Variants in SEC63 observed in about 807,000 individuals in gnomAD.
The protein encoded by SEC63 is SEC63 protein translocation regulator.
SEC63 carries 56 observed loss-of-function variants against 116.2 expected under a neutral mutation model. The observed-to-expected ratio is 0.48, with a 90% CI of 0.39 to 0.60. The LOEUF (loss-of-function observed/expected upper bound fraction) is 0.60, where lower values mean the gene tolerates loss of function less well. Among genes scored for constraint, SEC63 ranks in the 20% least tolerant of loss-of-function variants. The pLI, the probability that SEC63 is intolerant of heterozygous loss-of-function variation, is 0.00. For synonymous variants in SEC63, 273 were observed against 294.6 expected (o/e 0.93, Z 0.75); for missense variants, 668 against 900.0 (o/e 0.74, Z 3.30).
chr6:107,904,103 G>C (rs1304360782), intron 11 of SEC63, among the ~76,000 whole-genome samples: 2 of 126,172 alleles, frequency 1.6e-5, no homozygotes, highest in African/African-American at 3.1e-5. Flanking sequence ...AGGCGACAGA[G>C]TGAGACTCTG....
chr6:107,912,704 A>T lies in SEC63; in HGVS notation c.573+12T>A. 6.4e-7 allele frequency: 1 copy of T among 1,563,038 alleles called. No individual in the cohort carries two copies. The highest frequency in any genetic ancestry group is 8.8e-7 in the Non-Finnish European group (1 of 1,134,218). The stretch of plus-strand genomic sequence containing the variant: ...TAATACATCATAATGTATCTTATTT[A>T]AATGCACTCACCAGAATTGAGTTTT... On this transcript the variant is annotated intron_variant, in intron 6 of 20. Transcript: ENST00000369002.
chr6:107,911,534 T>C, intron 6 of SEC63, 138 bp from the exon 7 acceptor site: 1 of 695,066 alleles, frequency 1.4e-6, no homozygotes, highest in African/African-American at 1.8e-5. Context: ...ATCCTTATTC[T>C]CAAACTCCAA....
At chr6:107,897,862 T>A in intron 13 of SEC63, 131 bp from the exon 14 acceptor site, 7 of 691,230 alleles carry the variant, frequency 1.0e-5, no homozygotes, top group Non-Finnish European at 1.8e-5. Context: ...TTTAAATTTG[T>A]TAAAAAAATA....
intron 4 of SEC63, among the ~76,000 whole-genome samples, chr6:107,920,832 C>T (rs1371273035): frequency 6.6e-6 from 1 of 152,148 alleles, no homozygotes; most frequent in Non-Finnish European, 1.5e-5. Context: ...CAAAAGGGTG[C>T]ACAAATGTTC....
chr6:107,950,385 G>C (rs1387543822), intron 1 of SEC63, among the ~76,000 whole-genome samples: 1 of 152,146 alleles, frequency 6.6e-6, no homozygotes, highest in East Asian at 1.9e-4. Context: ...CCAAAAAGAA[G>C]ATAAGGAAAT....
chr6:107,956,460 T>G (rs1770714524), intron 1 of SEC63, among the ~76,000 whole-genome samples: 2 of 152,182 alleles, frequency 1.3e-5, no homozygotes, highest in Non-Finnish European at 2.9e-5. Flanking sequence ...TACCCAATTT[T>G]TTTTCCTTTT....
At chr6:107,913,133 G>A (rs1430490525) in intron 5 of SEC63, among the ~76,000 whole-genome samples, 1 of 152,014 alleles carries the variant, frequency 6.6e-6, no homozygotes, top group Admixed American at 6.6e-5. Context: ...TTATCAACTA[G>A]TAATTGGAAA....
chr6:107,906,486 T>C lies in SEC63; in HGVS notation c.923A>G (p.His308Arg), dbSNP rs1366550155. ...CTCAGGAATTTTCATTCTAGCAAGA[T>C]GAGACAGTAAAAGAACTCTGGCCTT... Reference protein sequence around the residue: ...SLKARVLLLSHLARMKIPETL... With the variant: ...SLKARVLLLSRLARMKIPETL... The change falls in exon 10 of 21, where the codon CAT (histidine) becomes CGT (arginine). Residue 308 changes from histidine (H) to arginine (R), a missense_variant. Coordinates refer to ENST00000369002, the MANE Select transcript of SEC63 (RefSeq NM_007214.5). 5 of 1,614,094 alleles carry C rather than the reference T, an allele frequency of 3.1e-6. No individual in the cohort carries two copies. Among genetic ancestry groups the C allele is most frequent in the Non-Finnish European group, 4.2e-6 (5 of 1,179,970 alleles).
intron 7 of SEC63, among the ~76,000 whole-genome samples, chr6:107,909,813 CAACTT>C (rs1459345199): frequency 6.6e-6 from 1 of 152,088 alleles, no homozygotes; most frequent in Non-Finnish European, 1.5e-5. Flanking sequence ...GCAAAACAAA[CAACTT>C]AATTATTAGA....
chr6:107,892,967 A>G (rs767766358), intron 16 of SEC63, among the ~76,000 whole-genome samples: 3 of 152,194 alleles, frequency 2.0e-5, no homozygotes, highest in Non-Finnish European at 4.4e-5. Flanking sequence ...TGCTAGGTGG[A>G]AAATGACTGC....
rs550448445 is a variant in SEC63 at position 107,896,108 on chromosome 6, G to A, written c.1440+1541C>T. On this transcript the variant is annotated intron_variant, in intron 14 of 20. Transcript: ENST00000369002. ...TTGAGCCTAGGAGGCGGACGTTGCA[G>A]TGAGCCGAGACTGCACCACTGCACT... Among the ~76,000 whole-genome samples the A allele has an allele frequency of 1.1e-3, 174 of 152,248 alleles. 2 individuals carry two copies. Among genetic ancestry groups the A allele is most frequent in the African/African-American group, 4.0e-3 (168 of 41,552 alleles).
chr6:107,933,920 G>A (rs533836861), intron 1 of SEC63, among the ~76,000 whole-genome samples: 13 of 152,294 alleles, frequency 8.5e-5, no homozygotes, highest in African/African-American at 2.4e-4. Flanking sequence ...ACGGGGTTTC[G>A]CTGTGTTGGC....
At chr6:107,886,682 T>G (rs988115582) in intron 16 of SEC63, among the ~76,000 whole-genome samples, 6 of 129,448 alleles carry the variant, frequency 4.6e-5, no homozygotes, top group Non-Finnish European at 8.1e-5. Flanking sequence ...TTCATATACT[T>G]TGCCCACTTT....
In SEC63 at chr6:107,957,888, G is replaced by C; in HGVS notation, c.122C>G (p.Ala41Gly). The C allele has an allele frequency of 1.9e-6, 3 of 1,611,488 alleles. No homozygotes were observed. The highest frequency in any genetic ancestry group is 1.7e-6 in the Non-Finnish European group (2 of 1,178,832). ...GGGCAAAGGCCGGCGGGACTCACCG[G>C]CATTCTGATCTCGGGGCCAGAGGTA... ...TYYLWPRDQN[A>G]EQIRLKNIRK... The change falls in exon 1 of 21, where the codon GCC becomes GGC. Residue 41 changes from alanine to glycine, a missense_variant and splice_region_variant. Ala to Gly is a moderately conservative substitution (Grantham distance 60, BLOSUM62 0). Coordinates refer to ENST00000369002, the MANE Select transcript of SEC63 (RefSeq NM_007214.5).
At chr6:107,918,072 C>T (rs1380694131) in intron 4 of SEC63, among the ~76,000 whole-genome samples, 5 of 152,140 alleles carry the variant, frequency 3.3e-5, no homozygotes, top group Non-Finnish European at 4.4e-5. Context: ...ACGTTGCTGG[C>T]GACTTTAACT....
chr6:107,935,026 G>A (rs1489936721), intron 1 of SEC63, among the ~76,000 whole-genome samples: 1 of 133,414 alleles, frequency 7.5e-6, no homozygotes, highest in African/African-American at 2.8e-5. Context: ...CAGCCACCCC[G>A]TCCGGGAGGT....
intron 19 of SEC63, among the ~76,000 whole-genome samples, chr6:107,873,413 T>G (rs1786180227): frequency 6.6e-6 from 1 of 152,202 alleles, no homozygotes; most frequent in South Asian, 2.1e-4. Flanking sequence ...AAAGTTTCTA[T>G]TCCACTTGGA....
At chr6:107,927,031 A>G (rs1427235098) in intron 2 of SEC63, among the ~76,000 whole-genome samples, 1 of 152,076 alleles carries the variant, frequency 6.6e-6, no homozygotes, top group Non-Finnish European at 1.5e-5. Context: ...CATTTTCCCC[A>G]TACTTGGCTT....
chr6:107,938,392 A>G (rs1770301466), intron 1 of SEC63, among the ~76,000 whole-genome samples: 1 of 151,744 alleles, frequency 6.6e-6, no homozygotes, highest in South Asian at 2.1e-4. Flanking sequence ...CTGGGACTAC[A>G]GGAAGATGCC....
Sources: allele counts gnomAD v4.1 joint callset (sites outside exome capture counted in the v4.1 genomes callset), GRCh38; gene constraint gnomAD v4.1.1; transcripts MANE v1.5; gene names NCBI Gene and HGNC (gene_info 2026-07-23, HGNC 2026-07-21).